The following RAB4A variants were observed in gnomAD, a reference collection of about 807,000 sequenced individuals.
The protein encoded by RAB4A is ras-related protein Rab-4A.
A neutral mutation model predicts 34.5 loss-of-function variants in RAB4A; 20 were observed. That is an observed-to-expected ratio of 0.58 (90% CI 0.41 to 0.84). The LOEUF is 0.84. Ranked by LOEUF, RAB4A falls within the 40% of genes least tolerant of loss-of-function variation. RAB4A has a pLI of 0.00. For synonymous variants in RAB4A, 102 were observed against 100.0 expected, an observed-to-expected ratio of 1.02 and a Z score of -0.12; for missense variants, 228 against 274.5, an observed-to-expected ratio of 0.83 and a Z score of 1.20.
chr1:229,277,047 ATAAT>A (rs913813820), intron 1 of RAB4A, among the ~76,000 whole-genome samples: 2 of 146,662 alleles, frequency 1.4e-5, no homozygotes, highest in Non-Finnish European at 3.0e-5. Flanking sequence ...CAATTTATAT[ATAAT>A]TATTTATAAT....
intron 7 of RAB4A, among the ~76,000 whole-genome samples, chr1:229,303,261 A>G (rs565638943): frequency 1.3e-5 from 2 of 152,084 alleles, no homozygotes; most frequent in African/African-American, 4.8e-5. Flanking sequence ...TACTCATGAA[A>G]CTTAGGAGAA....
chr1:229,280,466 A>G (rs914237723), intron 1 of RAB4A, among the ~76,000 whole-genome samples: 27 of 152,316 alleles, frequency 1.8e-4, no homozygotes, highest in African/African-American at 6.5e-4. Context: ...TCCTTGTGGT[A>G]TTGTTTCCTT....
intron 3 of RAB4A, among the ~76,000 whole-genome samples, chr1:229,293,217 A>C (rs1197247510): frequency 6.6e-6 from 1 of 152,180 alleles, no homozygotes; most frequent in Non-Finnish European, 1.5e-5. Flanking sequence ...CCAGCCCAGG[A>C]GCTCTCTGAC....
At chr1:229,294,309 C>T (rs237772) in intron 3 of RAB4A, among the ~76,000 whole-genome samples, 37,087 of 152,124 alleles carry the variant, frequency 0.24, 5,165 homozygotes, top group African/African-American at 0.39. Context: ...AATCGCAATC[C>T]CAGCAGGGCA....
intron 3 of RAB4A, among the ~76,000 whole-genome samples, chr1:229,293,669 C>T (rs968715167): frequency 5.9e-5 from 9 of 152,280 alleles, no homozygotes; most frequent in African/African-American, 2.2e-4. Flanking sequence ...GGGAGGCAGG[C>T]AGCCAACACA....
chr1:229,301,716 T>C (rs1228684162), intron 6 of RAB4A, among the ~76,000 whole-genome samples: 1 of 152,174 alleles, frequency 6.6e-6, no homozygotes, highest in Non-Finnish European at 1.5e-5. Context: ...ATTTTTTTAA[T>C]GGGTAATACA....
At chr1:229,285,743 A>T (rs921049682) in intron 1 of RAB4A, among the ~76,000 whole-genome samples, 3 of 152,254 alleles carry the variant, frequency 2.0e-5, no homozygotes, top group African/African-American at 7.2e-5. Flanking sequence ...GCAGAATTAC[A>T]GTTCTTTGGT....
intron 1 of RAB4A, among the ~76,000 whole-genome samples, chr1:229,272,492 C>G (rs541187730): frequency 5.7e-4 from 86 of 152,202 alleles, no homozygotes; most frequent in African/African-American, 1.9e-3. Context: ...CAGTATTAAT[C>G]CAATTGTGAT....
intron 1 of RAB4A, among the ~76,000 whole-genome samples, chr1:229,275,539 C>T (rs897684297): frequency 3.3e-5 from 5 of 151,290 alleles, no homozygotes; most frequent in Non-Finnish European, 7.4e-5. Flanking sequence ...AAATACGATT[C>T]ATGAGAAATT....
chr1:229,289,797 CAA>C (rs1055776616), intron 3 of RAB4A, among the ~76,000 whole-genome samples: 13 of 152,280 alleles, frequency 8.5e-5, no homozygotes, highest in African/African-American at 3.1e-4. Flanking sequence ...GCCTGGGCAA[CAA>C]GAGCAAAACT....
At chr1:229,303,093 G>A (rs1041590116) in intron 7 of RAB4A, 104 bp downstream of exon 7, 7 of 790,130 alleles carry the variant, frequency 8.9e-6, no homozygotes, top group African/African-American at 5.2e-5. Flanking sequence ...GATCCCAGCC[G>A]GGTGCAGTGG....
In RAB4A at chr1:229,271,280, G is replaced by A; in HGVS notation, c.-60G>A. 6 of 1,321,500 alleles carry A rather than the reference G, an allele frequency of 4.5e-6. No individual in the cohort carries two copies. Among genetic ancestry groups the A allele is most frequent in the Non-Finnish European group, 4.8e-6 (5 of 1,034,768 alleles). The allele number at this position is 1,321,500 out of a possible 1,614,324, so 81.9% of individuals were successfully genotyped here. A position where few individuals can be genotyped will look rare whatever the true frequency, so the allele number is the denominator to read the frequency against. ...CCCAGGTCCTTCCCCACCGAGACGCGCCGGCGGACCGCGGGCGAGTGCAGC... is the reference window on the plus strand; with the variant it reads ...CCCAGGTCCTTCCCCACCGAGACGCACCGGCGGACCGCGGGCGAGTGCAGC... On this transcript the variant is annotated 5_prime_UTR_variant, in exon 1 of 8. Coordinates refer to ENST00000366690, the MANE Select transcript of RAB4A (RefSeq NM_004578.4).
chr1:229,295,900 G>A lies in RAB4A; in HGVS notation c.280G>A (p.Asp94Asn), dbSNP rs199897325. 5.0e-5 allele frequency: 80 copies of A among 1,614,120 alleles called. No individual in the cohort carries two copies. In the Admixed American group the frequency reaches 1.3e-3, roughly 27 times the overall value. The change falls in exon 4 of 8, where the codon GAT becomes AAT. Residue 94 changes from aspartate (D) to asparagine (N), a missense_variant. By Grantham distance (23) the Asp-to-Asn change is conservative. Coordinates refer to ENST00000366690, the MANE Select transcript of RAB4A (RefSeq NM_004578.4). ...CGCGGCCGGGGCTCTCCTCGTCTATGATATCACCAGGTAATGCCAGCTCCC... is the reference window on the plus strand; with the variant it reads ...CGCGGCCGGGGCTCTCCTCGTCTATAATATCACCAGGTAATGCCAGCTCCC... ...RGAAGALLVY[D>N]ITSRETYNAL...
chr1:229,294,182 G>C (rs1254545303), intron 3 of RAB4A, among the ~76,000 whole-genome samples: 1 of 152,188 alleles, frequency 6.6e-6, no homozygotes, highest in African/African-American at 2.4e-5. Context: ...CTGTGCAGAT[G>C]TTAAGTTTGA....
chr1:229,272,463 G>A (rs942938264), intron 1 of RAB4A, among the ~76,000 whole-genome samples: 7 of 152,132 alleles, frequency 4.6e-5, no homozygotes, highest in African/African-American at 1.2e-4. Flanking sequence ...CTCATGGAGC[G>A]TAGTCTATTG....
At chr1:229,276,462 T>C (rs1656651673) in intron 1 of RAB4A, among the ~76,000 whole-genome samples, 1 of 151,544 alleles carries the variant, frequency 6.6e-6, no homozygotes, top group Non-Finnish European at 1.5e-5. Flanking sequence ...CTGTAACATC[T>C]ATATTTCTAG....
chr1:229,302,847 T>C lies in RAB4A; in HGVS notation c.542-15T>C. ...ATAAAAGCCTTTTTTAAAAGAAGAC[T>C]TGCTTGGTCCTTAGGTGAGCTGGAC... On this transcript the variant is annotated splice_polypyrimidine_tract_variant and intron_variant, in intron 6 of 7. Transcript: ENST00000366690. The C allele has an allele frequency of 6.4e-7, 1 of 1,570,162 alleles. No individual in the cohort carries two copies. Among genetic ancestry groups the C allele is most frequent in the Non-Finnish European group, 8.7e-7 (1 of 1,154,880 alleles).
chr1:229,302,301 ATATATATAT>A (rs1385427442), intron 6 of RAB4A, among the ~76,000 whole-genome samples: 47 of 40,504 alleles, frequency 1.2e-3, no homozygotes, highest in South Asian at 1.9e-3. Context: ...ATATATATAT[ATATATATAT>A]TTTTTTTTTT....
rs1016186315 is a variant in RAB4A at position 229,303,868 on chromosome 1, AC to A, written c.*77del. The A allele has an allele frequency of 3.3e-5, 5 of 152,162 alleles. No homozygotes were observed. The highest frequency in any genetic ancestry group is 1.2e-4 in the African/African-American group (5 of 41,434). The allele number at this position is 152,162 out of a possible 1,614,324, so 9.4% of individuals were successfully genotyped here. On this transcript the variant is annotated 3_prime_UTR_variant, in exon 8 of 8. Transcript: ENST00000366690. ...ACCTGAAGAATCTGAAGTTTTTTTTACCACCATCTTTTTCTACTCTGTATGG... is the reference window on the plus strand; with the variant it reads ...ACCTGAAGAATCTGAAGTTTTTTTTACACCATCTTTTTCTACTCTGTATGG...
Sources: allele counts gnomAD v4.1 joint callset (sites outside exome capture counted in the v4.1 genomes callset), GRCh38; gene constraint gnomAD v4.1.1; transcripts MANE v1.5; gene names NCBI Gene and HGNC (gene_info 2026-07-23, HGNC 2026-07-21).